Variants in SND1 observed in about 807,000 individuals in gnomAD.
SND1 encodes the protein staphylococcal nuclease domain-containing protein 1.
In SND1, 38 loss-of-function variants were observed where a neutral mutation model predicts 121.7. The observed-to-expected ratio is 0.31, with a 90% confidence interval of 0.24 to 0.41. The LOEUF is 0.41. Ranked by LOEUF, SND1 falls within the 10% of genes least tolerant of loss-of-function variation. The pLI is 1.00. For synonymous variants in SND1, 401 were observed against 447.4 expected (o/e 0.90, Z 1.31); for missense variants, 868 against 1,184.6 (o/e 0.73, Z 3.92).
At chr7:127,741,864 T>A (rs1335374037) in intron 10 of SND1, among the ~76,000 whole-genome samples, 2 of 152,030 alleles carry the variant, frequency 1.3e-5, no homozygotes, top group Non-Finnish European at 2.9e-5. Context: ...TTCCCGAGAG[T>A]GAGGTAAGGG....
chr7:127,738,917 T>C (rs1316477191), intron 10 of SND1, among the ~76,000 whole-genome samples: 1 of 152,186 alleles, frequency 6.6e-6, no homozygotes, highest in African/African-American at 2.4e-5. Flanking sequence ...TTTCTGGCTC[T>C]GGAGAGCTAG....
At chr7:127,723,166 G>C (rs957011090) in intron 10 of SND1, among the ~76,000 whole-genome samples, 2 of 152,150 alleles carry the variant, frequency 1.3e-5, no homozygotes, top group African/African-American at 4.8e-5. Flanking sequence ...AGCTTAGGTA[G>C]GATGATAGCA....
At chr7:128,075,951 G>T (rs1026541888) in intron 17 of SND1, among the ~76,000 whole-genome samples, 2 of 152,250 alleles carry the variant, frequency 1.3e-5, no homozygotes, top group South Asian at 2.1e-4. Context: ...GGAGAGGGGG[G>T]GAGGGGCAGC....
At chr7:127,764,278 G>A (rs1046168852) in intron 10 of SND1, among the ~76,000 whole-genome samples, 2 of 152,102 alleles carry the variant, frequency 1.3e-5, no homozygotes, top group Non-Finnish European at 2.9e-5. Context: ...TTTGCCATAG[G>A]AGCTATCACC....
At chr7:127,784,012 A>G (rs1797769784) in intron 10 of SND1, among the ~76,000 whole-genome samples, 1 of 152,256 alleles carries the variant, frequency 6.6e-6, no homozygotes, top group Non-Finnish European at 1.5e-5. Context: ...GGTATAAAGA[A>G]AACGAAGTGA....
At chr7:127,986,244 C>T (rs752288052) in intron 15 of SND1, among the ~76,000 whole-genome samples, 7 of 152,096 alleles carry the variant, frequency 4.6e-5, no homozygotes, top group Non-Finnish European at 1.0e-4. Context: ...GCTGACTGAC[C>T]AGAGTATTTG....
At chr7:127,961,987 A>G (rs938998247) in intron 15 of SND1, among the ~76,000 whole-genome samples, 1 of 152,200 alleles carries the variant, frequency 6.6e-6, no homozygotes, top group African/African-American at 2.4e-5. Flanking sequence ...ATCGGATCCT[A>G]TAAGTATCCT....
chr7:127,746,772 T>C (rs1796990437), intron 10 of SND1, among the ~76,000 whole-genome samples: 1 of 152,186 alleles, frequency 6.6e-6, no homozygotes. Flanking sequence ...TAAATACCTA[T>C]TTATACCTGG....
intron 10 of SND1, among the ~76,000 whole-genome samples, chr7:127,763,487 C>T (rs1439032849): frequency 2.0e-5 from 3 of 152,018 alleles, no homozygotes; most frequent in African/African-American, 4.8e-5. Flanking sequence ...GTTAGGACTA[C>T]GGGTGCACAC....
At chr7:127,967,421 A>G (rs720300) in intron 15 of SND1, among the ~76,000 whole-genome samples, 16,080 of 152,206 alleles carry the variant, frequency 0.11, 1,176 homozygotes, top group Admixed American at 0.22. Context: ...TTCTGCTTTC[A>G]TGTAACTATC....
At chr7:127,941,492 TGGA>T (rs1372991473) in intron 15 of SND1, among the ~76,000 whole-genome samples, 2 of 152,188 alleles carry the variant, frequency 1.3e-5, no homozygotes, top group East Asian at 1.9e-4. Context: ...CTGCGGCTGG[TGGA>T]GAAGTTCCCA....
At chr7:127,952,247 G>A (rs1282484140) in intron 15 of SND1, among the ~76,000 whole-genome samples, 2 of 152,206 alleles carry the variant, frequency 1.3e-5, no homozygotes, top group Admixed American at 1.3e-4. Flanking sequence ...TTGCTTAGCA[G>A]GTTTTGATCT....
intron 16 of SND1, among the ~76,000 whole-genome samples, chr7:128,062,148 G>A (rs1793241801): frequency 6.6e-6 from 1 of 152,254 alleles, no homozygotes; most frequent in African/African-American, 2.4e-5. Flanking sequence ...GTAGGTTAAC[G>A]GGGCTGCTGC....
chr7:127,849,284 C>G (rs1799123470), intron 12 of SND1, among the ~76,000 whole-genome samples: 1 of 152,194 alleles, frequency 6.6e-6, no homozygotes, highest in Non-Finnish European at 1.5e-5. Flanking sequence ...CTTGCCAGAG[C>G]CTTCTTGAAG....
At chr7:128,054,211 G>C (rs1292753776) in intron 16 of SND1, among the ~76,000 whole-genome samples, 2 of 152,214 alleles carry the variant, frequency 1.3e-5, no homozygotes, top group African/African-American at 2.4e-5. Context: ...CCTTCTCCAG[G>C]AGACAGCCCT....
intron 2 of SND1, among the ~76,000 whole-genome samples, chr7:127,687,777 A>C (rs759527192): frequency 3.3e-5 from 5 of 152,078 alleles, no homozygotes; most frequent in Non-Finnish European, 7.4e-5. Context: ...TCAACCTCCC[A>C]GGCTCAAGTG....
chr7:128,031,085 CA>C (rs1563095365), intron 16 of SND1: 1 of 152,502 alleles, frequency 6.6e-6, no homozygotes, highest in East Asian at 1.9e-4. Context: ...GTGGGGGAGA[CA>C]AAATGGCCTC....
rs1799959936 is a variant in SND1 at position 127,888,980 on chromosome 7, T to C, written c.1454+968T>C. ...TTTGGCCCATAACATTGCCCTGATATGTGACATTTACCTCTAACACCGTGT... is the reference window on the plus strand; with the variant it reads ...TTTGGCCCATAACATTGCCCTGATACGTGACATTTACCTCTAACACCGTGT... On this transcript the variant is annotated intron_variant, in intron 13 of 23. Transcript: ENST00000354725. Among the ~76,000 whole-genome samples the C allele has an allele frequency of 2.6e-5, 4 of 152,166 alleles. No individual in the cohort carries two copies. The South Asian group carries it at 8.3e-4, about 31-fold the overall frequency.
chr7:127,793,552 A>G (rs1797954141), intron 10 of SND1, among the ~76,000 whole-genome samples: 1 of 152,160 alleles, frequency 6.6e-6, no homozygotes, highest in Admixed American at 6.5e-5. Context: ...TAGGAAAGGT[A>G]AGGGTTTCAT....
Sources: allele counts gnomAD v4.1 joint callset (sites outside exome capture counted in the v4.1 genomes callset), GRCh38; gene constraint gnomAD v4.1.1; transcripts MANE v1.5; gene names NCBI Gene and HGNC (gene_info 2026-07-23, HGNC 2026-07-21).